TMEM132D: variants seen among roughly 807,000 people sequenced by gnomAD.
The protein encoded by TMEM132D is transmembrane protein 132D, also known as mature OL transmembrane protein.
TMEM132D carries 21 observed loss-of-function variants against 62.3 expected under a neutral mutation model. That is an observed-to-expected ratio of 0.34 (90% confidence interval 0.24 to 0.49). The LOEUF (loss-of-function observed/expected upper bound fraction) is 0.49. Ranked by LOEUF, TMEM132D falls within the 20% of genes least tolerant of loss-of-function variation. TMEM132D has a pLI of 0.99. For synonymous variants in TMEM132D, 621 were observed against 575.6 expected (o/e 1.08, Z -1.13); for missense variants, 1,346 against 1,402.8 (o/e 0.96, Z 0.65).
chr12:129,075,177 TCAAA>T lies in TMEM132D; in HGVS notation c.2116-122_2116-119del, dbSNP rs773628013. On this transcript the variant is annotated intron_variant, in intron 8 of 8. Coordinates refer to ENST00000422113, the MANE Select transcript of TMEM132D (RefSeq NM_133448.3). ...TGCTACAAGAACAAAGACAAACCTT[TCAAA>T]CAGTGTAGAAATAAGCGATAAGAAG... The T allele has an allele frequency of 3.9e-6, 3 of 774,858 alleles. No individual in the cohort carries two copies. The African/African-American group carries it at 5.3e-5, about 14-fold the overall frequency. The allele number at this position is 774,858 out of a possible 1,614,324, so 48.0% of individuals were successfully genotyped here.
intron 2 of TMEM132D, among the ~76,000 whole-genome samples, chr12:129,684,246 T>C (rs1414972032): frequency 1.3e-5 from 2 of 152,218 alleles, no homozygotes; most frequent in Non-Finnish European, 2.9e-5. Flanking sequence ...CAGTGGGAGA[T>C]AATTGAATCG....
chr12:129,822,013 G>A (rs1408666241), intron 1 of TMEM132D, among the ~76,000 whole-genome samples: 2 of 152,198 alleles, frequency 1.3e-5, no homozygotes, highest in African/African-American at 4.8e-5. Flanking sequence ...AAAGACAGAC[G>A]TGATCTTTGT....
At chr12:129,136,504 C>A (rs1291506652) in intron 5 of TMEM132D, among the ~76,000 whole-genome samples, 2 of 152,228 alleles carry the variant, frequency 1.3e-5, no homozygotes, top group Non-Finnish European at 2.9e-5. Context: ...AAGAGTACCA[C>A]AGAGGTGATT....
chr12:129,098,429 A>G (rs1875182533), intron 5 of TMEM132D, among the ~76,000 whole-genome samples: 2 of 152,210 alleles, frequency 1.3e-5, no homozygotes, highest in African/African-American at 4.8e-5. Flanking sequence ...TTTTCAAACC[A>G]TGCAGTGACA....
intron 2 of TMEM132D, among the ~76,000 whole-genome samples, chr12:129,676,733 T>G (rs898177389): frequency 6.6e-6 from 1 of 152,202 alleles, no homozygotes; most frequent in African/African-American, 2.4e-5. Context: ...GTGAGTCACA[T>G]CTTAACAGGA....
chr12:129,797,767 T>C (rs1311144218), intron 1 of TMEM132D, among the ~76,000 whole-genome samples: 1 of 152,220 alleles, frequency 6.6e-6, no homozygotes, highest in East Asian at 1.9e-4. Context: ...TTCTGAATTC[T>C]GGGCTGCACA....
intron 4 of TMEM132D, among the ~76,000 whole-genome samples, chr12:129,292,162 C>T (rs1593325584): frequency 6.6e-6 from 1 of 152,236 alleles, no homozygotes; most frequent in East Asian, 1.9e-4. Flanking sequence ...CACATTTTCC[C>T]CATGATTTAG....
At position 129,813,698 on chromosome 12, in the gene TMEM132D, C is replaced by T. The variant is rs111869635; in HGVS notation, c.79+89563G>A. Among the ~76,000 whole-genome samples the T allele has an allele frequency of 4.1e-3, 617 of 150,508 alleles. 6 individuals are homozygous for T. Among genetic ancestry groups the T allele is most frequent in the African/African-American group, 0.014 (594 of 41,122 alleles). ...GAGTTGAGGAAAATCAAAATTATTC[C>T]TAACTAAAAATTAAGCCCCAAGCAA... is the stretch of plus-strand genomic sequence containing the variant. On this transcript the variant is annotated intron_variant, in intron 1 of 8. Transcript: ENST00000422113.
chr12:129,321,010 T>G (rs1461054286), intron 4 of TMEM132D, among the ~76,000 whole-genome samples: 1 of 149,812 alleles, frequency 6.7e-6, no homozygotes, highest in Non-Finnish European at 1.5e-5. Context: ...GTCATCTATC[T>G]CTGTATACAT....
chr12:129,730,787 C>A (rs1869209381), intron 1 of TMEM132D, among the ~76,000 whole-genome samples: 1 of 151,966 alleles, frequency 6.6e-6, no homozygotes, highest in Non-Finnish European at 1.5e-5. Context: ...AGTCTCCTGG[C>A]CTCCATCTTT....
chr12:129,789,629 T>G (rs1326907091), intron 1 of TMEM132D, among the ~76,000 whole-genome samples: 1 of 152,154 alleles, frequency 6.6e-6, no homozygotes, highest in Non-Finnish European at 1.5e-5. Flanking sequence ...GTAGAGGGCA[T>G]AGGTTGAAGA....
At chr12:129,544,139 C>A (rs1876668988) in intron 2 of TMEM132D, among the ~76,000 whole-genome samples, 1 of 152,196 alleles carries the variant, frequency 6.6e-6, no homozygotes, top group African/African-American at 2.4e-5. Flanking sequence ...TCTTTTTGAT[C>A]TTTGCAATTC....
At chr12:129,415,722 C>G (rs1303315403) in intron 3 of TMEM132D, among the ~76,000 whole-genome samples, 1 of 152,188 alleles carries the variant, frequency 6.6e-6, no homozygotes, top group Non-Finnish European at 1.5e-5. Flanking sequence ...GGTTTCCAGT[C>G]AGGCCACAAA....
At chr12:129,888,787 G>A (rs2137392102) in intron 1 of TMEM132D, among the ~76,000 whole-genome samples, 1 of 152,324 alleles carries the variant, frequency 6.6e-6, no homozygotes, top group South Asian at 2.1e-4. Context: ...TTTGGTAACA[G>A]TGTCCCAACT....
chr12:129,432,123 GTGGATGGA>G (rs113591569), intron 3 of TMEM132D, among the ~76,000 whole-genome samples: 22 of 145,310 alleles, frequency 1.5e-4, no homozygotes, highest in East Asian at 8.1e-4. Flanking sequence ...GGATGGATAG[GTGGATGGA>G]TGGATGGATG....
chr12:129,853,912 T>C lies in TMEM132D; in HGVS notation c.79+49349A>G, dbSNP rs151079199. 7 of 152,380 alleles carry C rather than the reference T, an allele frequency of 4.6e-5. No individual in the cohort carries two copies. In the East Asian group the frequency reaches 1.4e-3, roughly 29 times the overall value. 9.4% of individuals were successfully genotyped at this position (152,380 alleles called of 1,614,324 possible). On this transcript the variant is annotated intron_variant, in intron 1 of 8. Coordinates refer to ENST00000422113, the MANE Select transcript of TMEM132D (RefSeq NM_133448.3). Reference sequence around the variant, plus strand: ...CCACAGGCAACAGGACTGAACCTACTGCAAGTCAAGAAACACACAGAAGTT... The same window carrying C: ...CCACAGGCAACAGGACTGAACCTACCGCAAGTCAAGAAACACACAGAAGTT...
chr12:129,226,579 G>A (rs1292155332), intron 4 of TMEM132D, among the ~76,000 whole-genome samples: 2 of 152,228 alleles, frequency 1.3e-5, no homozygotes, highest in African/African-American at 4.8e-5. Context: ...AAGCCAGAGG[G>A]CGAAGTGACA....
intron 2 of TMEM132D, among the ~76,000 whole-genome samples, chr12:129,597,181 G>A (rs1244012335): frequency 5.3e-5 from 8 of 152,056 alleles, no homozygotes; most frequent in Non-Finnish European, 1.2e-4. Flanking sequence ...CAGTTGGTTG[G>A]ATCCACAGAC....
chr12:129,084,465 A>G (rs2135619322), intron 6 of TMEM132D, 32 bp downstream of exon 6: 2 of 1,556,872 alleles, frequency 1.3e-6, no homozygotes, highest in Non-Finnish European at 1.7e-6. Flanking sequence ...CTTCCTCCTT[A>G]GCCTGCCATG....
Sources: gnomAD v4.1 joint callset for allele counts (sites outside exome capture counted in the v4.1 genomes callset) on GRCh38, gnomAD v4.1.1 for gene constraint, MANE v1.5 for transcripts, NCBI Gene and HGNC (gene_info 2026-07-23, HGNC 2026-07-21) for gene names.